Variants in ILRUN observed in about 807,000 individuals in gnomAD.
ILRUN encodes the protein protein ILRUN.
A neutral mutation model predicts 33.8 loss-of-function variants in ILRUN; 3 were observed. The observed-to-expected ratio is 0.09, with a 90% CI of 0.04 to 0.23. The LOEUF (loss-of-function observed/expected upper bound fraction) is 0.23, where lower values mean the gene tolerates loss of function less well. Among genes scored for constraint, ILRUN ranks in the 10% least tolerant of loss-of-function variants. ILRUN has a pLI of 1.00. For missense variants in ILRUN, 210 were observed against 375.1 expected, an observed-to-expected ratio of 0.56 and a Z score of 3.64; for synonymous variants, 124 against 138.9, an observed-to-expected ratio of 0.89 and a Z score of 0.75.
intron 4 of ILRUN, among the ~76,000 whole-genome samples, chr6:34,591,579 G>T (rs142489096): frequency 0.014 from 2,045 of 150,478 alleles, 33 homozygotes; most frequent in Non-Finnish European, 0.016. Context: ...AGTTCACTGC[G>T]AGCTCCGCCT....
chr6:34,603,776 C>T (rs939535465), intron 4 of ILRUN, among the ~76,000 whole-genome samples: 1 of 152,222 alleles, frequency 6.6e-6, no homozygotes, highest in Non-Finnish European at 1.5e-5. Flanking sequence ...ATTTCCCCTA[C>T]TGTACTGCGG....
chr6:34,609,892 C>T (rs1366439954), intron 3 of ILRUN, among the ~76,000 whole-genome samples: 1 of 152,146 alleles, frequency 6.6e-6, no homozygotes, highest in South Asian at 2.1e-4. Context: ...GGTGTGGTGG[C>T]TCATGCCTGT....
intron 1 of ILRUN, among the ~76,000 whole-genome samples, chr6:34,676,560 T>C (rs560538091): frequency 2.0e-4 from 31 of 151,524 alleles, no homozygotes; most frequent in African/African-American, 7.0e-4. Flanking sequence ...TCCAGAGCAG[T>C]GGCACGACCT....
At chr6:34,667,676 G>T (rs1179168977) in intron 1 of ILRUN, among the ~76,000 whole-genome samples, 2 of 152,112 alleles carry the variant, frequency 1.3e-5, no homozygotes, top group Admixed American at 1.3e-4. Flanking sequence ...AACATAATAT[G>T]CCTCCTGATG....
intron 1 of ILRUN, among the ~76,000 whole-genome samples, chr6:34,684,741 T>C (rs9296123): frequency 0.027 from 4,103 of 152,168 alleles, 200 homozygotes; most frequent in African/African-American, 0.093. Context: ...GCATTCTAAG[T>C]AGGAGAAACA....
chr6:34,667,264 T>C (rs1235276829), intron 1 of ILRUN, among the ~76,000 whole-genome samples: 1 of 152,186 alleles, frequency 6.6e-6, no homozygotes, highest in African/African-American at 2.4e-5. Flanking sequence ...ATACCCCCTT[T>C]TTTGGATCCT....
At chr6:34,626,105 C>T (rs555862809) in intron 3 of ILRUN, among the ~76,000 whole-genome samples, 1 of 152,312 alleles carries the variant, frequency 6.6e-6, no homozygotes, top group Non-Finnish European at 1.5e-5. Context: ...CTGGGTCGGC[C>T]TCCCGAAATG....
chr6:34,671,341 G>A (rs907646944), intron 1 of ILRUN, among the ~76,000 whole-genome samples: 2 of 152,184 alleles, frequency 1.3e-5, no homozygotes, highest in Non-Finnish European at 2.9e-5. Context: ...AGCCATGATC[G>A]CGCCGCTGCG....
intron 1 of ILRUN, among the ~76,000 whole-genome samples, chr6:34,673,904 TACACACACAC>T (rs370280008): frequency 9.7e-5 from 11 of 113,004 alleles, no homozygotes; most frequent in Non-Finnish European, 1.5e-4. Context: ...AACAACCACA[TACACACACAC>T]ACACACACAC....
At chr6:34,632,396 A>G (rs1762266558) in intron 3 of ILRUN, among the ~76,000 whole-genome samples, 1 of 152,102 alleles carries the variant, frequency 6.6e-6, no homozygotes, top group South Asian at 2.1e-4. Context: ...AGCCAAGATC[A>G]CACCACTGCA....
At position 34,672,060 on chromosome 6, in the gene ILRUN, G is replaced by A. The variant is rs1298640487; in HGVS notation, c.159-17281C>T. On this transcript the variant is annotated intron_variant, in intron 1 of 4. Coordinates refer to ENST00000374023, the MANE Select transcript of ILRUN (RefSeq NM_024294.4). ...TGGAGGAAATGGGTGGGGCTGTTAAGCCCACAGTTACACCCTATAGTCATA... is the reference window on the plus strand; with the variant it reads ...TGGAGGAAATGGGTGGGGCTGTTAAACCCACAGTTACACCCTATAGTCATA... 11 of 151,934 alleles carry A rather than the reference G, an allele frequency of 7.2e-5. No individual in the cohort carries two copies. The East Asian group carries it at 1.2e-3, about 16-fold the overall frequency. 9.4% of individuals were successfully genotyped at this position (151,934 alleles called of 1,614,324 possible).
chr6:34,661,134 CA>C (rs1025679256), intron 1 of ILRUN, among the ~76,000 whole-genome samples: 12 of 151,822 alleles, frequency 7.9e-5, no homozygotes, highest in African/African-American at 2.9e-4. Flanking sequence ...TACCATTTTC[CA>C]AGTAGAAAAT....
At chr6:34,595,217 G>C (rs1398550752) in intron 4 of ILRUN, among the ~76,000 whole-genome samples, 1 of 152,192 alleles carries the variant, frequency 6.6e-6, no homozygotes, top group Non-Finnish European at 1.5e-5. Flanking sequence ...ATCATTCCTA[G>C]CCAGTGATGT....
intron 3 of ILRUN, among the ~76,000 whole-genome samples, chr6:34,612,946 G>C (rs566169792): frequency 6.6e-6 from 1 of 152,288 alleles, no homozygotes; most frequent in East Asian, 1.9e-4. Context: ...AGGAGGCTGA[G>C]GCAGGAGAAT....
chr6:34,642,698 T>C (rs1321023852), intron 3 of ILRUN, among the ~76,000 whole-genome samples: 1 of 149,256 alleles, frequency 6.7e-6, no homozygotes, highest in Non-Finnish European at 1.5e-5. Context: ...ATAATAACAG[T>C]GTTCTGAGAG....
rs1761250772 is a variant in ILRUN, at chr6:34,589,238, G to A, written c.*1327C>T. 1 of 152,486 alleles carries A rather than the reference G, an allele frequency of 6.6e-6. No homozygotes were observed. Among genetic ancestry groups the A allele is most frequent in the South Asian group, 2.1e-4 (1 of 4,836 alleles). The allele number at this position is 152,486 out of a possible 1,614,324, so 9.4% of individuals were successfully genotyped here. Reference sequence around the variant, plus strand: ...TGCTCAGAATCTACAGGATGCCAGGGCAGGCCACCTGCCTGAGTGAGCAGC... The same window carrying A: ...TGCTCAGAATCTACAGGATGCCAGGACAGGCCACCTGCCTGAGTGAGCAGC... On this transcript the variant is annotated 3_prime_UTR_variant, in exon 5 of 5. Coordinates refer to ENST00000374023, the MANE Select transcript of ILRUN (RefSeq NM_024294.4).
At chr6:34,616,839 T>C in intron 3 of ILRUN, 1 of 702,414 alleles carries the variant, frequency 1.4e-6, no homozygotes, top group South Asian at 1.4e-5. Context: ...TGAAAGGTGT[T>C]GCAGCTTCTT....
chr6:34,687,348 C>G (rs1206255184), intron 1 of ILRUN, among the ~76,000 whole-genome samples: 2 of 151,984 alleles, frequency 1.3e-5, no homozygotes, highest in African/African-American at 4.8e-5. Context: ...AAATAAGAAT[C>G]AAAATCATAA....
At chr6:34,635,612 C>A (rs1405905997) in intron 3 of ILRUN, among the ~76,000 whole-genome samples, 2 of 104,574 alleles carry the variant, frequency 1.9e-5, no homozygotes, top group African/African-American at 8.1e-5. Context: ...TCTTAGAAAG[C>A]TTTTTTTTTT....
Sources: allele counts gnomAD v4.1 joint callset (sites outside exome capture counted in the v4.1 genomes callset), GRCh38; gene constraint gnomAD v4.1.1; transcripts MANE v1.5; gene names NCBI Gene and HGNC (gene_info 2026-07-23, HGNC 2026-07-21).